Variants in GPHN observed in about 807,000 individuals in gnomAD.
GPHN encodes the protein gephyrin.
A neutral mutation model predicts 95.5 loss-of-function variants in GPHN; 17 were observed. That is an observed-to-expected ratio of 0.18 (90% CI 0.12 to 0.27). The LOEUF (loss-of-function observed/expected upper bound fraction) is 0.27, where lower values mean the gene tolerates loss of function less well. GPHN is among the 10% of genes least tolerant of loss of function. The probability of loss-of-function intolerance (pLI) is 1.00; values close to 1 mark genes in which losing one functional copy is unlikely to be tolerated. For missense variants in GPHN, 660 were observed against 978.1 expected, an observed-to-expected ratio of 0.67 and a Z score of 4.34; for synonymous variants, 320 against 322.5, an observed-to-expected ratio of 0.99 and a Z score of 0.08.
intron 10 of GPHN, among the ~76,000 whole-genome samples, chr14:67,035,147 G>A (rs1276131685): frequency 6.6e-6 from 1 of 151,680 alleles, no homozygotes; most frequent in Non-Finnish European, 1.5e-5. Flanking sequence ...AGACACTCTT[G>A]AACAACCAGT....
At chr14:67,130,488 A>C (rs752530171) in intron 17 of GPHN, among the ~76,000 whole-genome samples, 1 of 152,096 alleles carries the variant, frequency 6.6e-6, no homozygotes, top group Non-Finnish European at 1.5e-5. Flanking sequence ...CATGATGTAT[A>C]TGCACCACTT....
chr14:67,690,881 C>T, the GPHN span: 1 of 474,396 alleles, frequency 2.1e-6, no homozygotes, highest in Non-Finnish European at 3.8e-6. Context: ...AAGAAAGCAA[C>T]ACAGTCCCCT....
intron 1 of GPHN, among the ~76,000 whole-genome samples, chr14:66,631,479 A>G (rs774611966): frequency 6.6e-5 from 10 of 152,156 alleles, no homozygotes; most frequent in Non-Finnish European, 1.0e-4. Flanking sequence ...TTTCTTTGCA[A>G]ATATTACTTT....
intron 3 of GPHN, among the ~76,000 whole-genome samples, chr14:66,805,422 C>T (rs1356012011): frequency 1.3e-5 from 2 of 152,192 alleles, no homozygotes; most frequent in Non-Finnish European, 2.9e-5. Context: ...CATACCCAAT[C>T]ATGCCTTCTC....
intron 4 of GPHN, among the ~76,000 whole-genome samples, chr14:66,848,962 C>T (rs943696677): frequency 1.3e-5 from 2 of 151,772 alleles, no homozygotes; most frequent in African/African-American, 4.8e-5. Flanking sequence ...ATAATAATTA[C>T]TAAAATGTAT....
chr14:67,142,068 C>T (rs2080491380), intron 17 of GPHN, among the ~76,000 whole-genome samples: 1 of 152,068 alleles, frequency 6.6e-6, no homozygotes, highest in Non-Finnish European at 1.5e-5. Flanking sequence ...ACAGCTGGGC[C>T]TCAAGGGGGA....
chr14:66,783,068 CTGTT>C (rs1287366036), intron 3 of GPHN, among the ~76,000 whole-genome samples: 2 of 152,178 alleles, frequency 1.3e-5, no homozygotes, highest in Non-Finnish European at 2.9e-5. Flanking sequence ...CTACAAAAGC[CTGTT>C]TGTCTAGCCA....
chr14:66,598,641 T>G (rs2140798206), intron 1 of GPHN, among the ~76,000 whole-genome samples: 1 of 152,134 alleles, frequency 6.6e-6, no homozygotes, highest in Non-Finnish European at 1.5e-5. Flanking sequence ...GGTCAGGAGT[T>G]CAAGACCAGC....
chr14:67,651,565 G>A, the GPHN span: 10 of 1,462,906 alleles, frequency 6.8e-6, no homozygotes, highest in Admixed American at 4.1e-5. Context: ...CTGGGACCAC[G>A]GCTGGATACT....
At chr14:66,562,495 A>C (rs2060299443) in intron 1 of GPHN, among the ~76,000 whole-genome samples, 1 of 152,146 alleles carries the variant, frequency 6.6e-6, no homozygotes, top group Admixed American at 6.6e-5. Context: ...GAAACAGATA[A>C]GAGAAAATGA....
chr14:67,474,943 T>C, the GPHN span, among the ~76,000 whole-genome samples: 2 of 132,484 alleles, frequency 1.5e-5, no homozygotes, highest in East Asian at 4.2e-4. Flanking sequence ...TGTGACGGAG[T>C]CTCGCTCTGT....
intron 5 of GPHN, among the ~76,000 whole-genome samples, chr14:66,904,088 C>A (rs1248716029): frequency 2.0e-5 from 3 of 151,972 alleles, no homozygotes; most frequent in Non-Finnish European, 4.4e-5. Flanking sequence ...GATTGTGTGT[C>A]CAGAGTTGGT....
At chr14:66,776,062 C>G (rs1402130598) in intron 2 of GPHN, among the ~76,000 whole-genome samples, 2 of 152,142 alleles carry the variant, frequency 1.3e-5, no homozygotes, top group African/African-American at 4.8e-5. Context: ...CTAATTTCTG[C>G]TCTATTTTTC....
the GPHN span, among the ~76,000 whole-genome samples, chr14:67,700,882 G>A: frequency 6.6e-6 from 1 of 151,306 alleles, no homozygotes; most frequent in African/African-American, 2.4e-5. Context: ...AAAATTAGCT[G>A]GGCACGGCGG....
At chr14:67,331,481 A>T in the GPHN span, among the ~76,000 whole-genome samples, 1 of 152,142 alleles carries the variant, frequency 6.6e-6, no homozygotes, top group Non-Finnish European at 1.5e-5. Flanking sequence ...ATCTAGTTGC[A>T]TTCTGAATCT....
intron 5 of GPHN, among the ~76,000 whole-genome samples, chr14:66,896,705 T>C (rs2064868965): frequency 6.6e-6 from 1 of 151,666 alleles, no homozygotes; most frequent in Non-Finnish European, 1.5e-5. Flanking sequence ...GGGTAATCAC[T>C]AAAAGGATGG....
At chr14:66,778,118 C>G (rs939033842) in intron 3 of GPHN, among the ~76,000 whole-genome samples, 4 of 152,158 alleles carry the variant, frequency 2.6e-5, no homozygotes, top group African/African-American at 9.7e-5. Flanking sequence ...TAAGCAACTT[C>G]AGCAAAGTCT....
chr14:67,233,182 C>T, the GPHN span, among the ~76,000 whole-genome samples: 2 of 145,280 alleles, frequency 1.4e-5, no homozygotes, highest in Non-Finnish European at 3.0e-5. Context: ...CACTCTGTCA[C>T]TCAGGCTGGA....
chr14:67,047,362 G>GTGTTTT (rs1402859810), intron 10 of GPHN, among the ~76,000 whole-genome samples: 5 of 130,780 alleles, frequency 3.8e-5, no homozygotes, highest in African/African-American at 1.4e-4. Context: ...GTGTGTGTGT[G>GTGTTTT]TTTGTTTTTT....
Sources: allele counts gnomAD v4.1 joint callset (sites outside exome capture counted in the v4.1 genomes callset), GRCh38; gene constraint gnomAD v4.1.1; transcripts MANE v1.5; gene names NCBI Gene and HGNC (gene_info 2026-07-23, HGNC 2026-07-21).